Variants in NBL1 observed in about 807,000 individuals in gnomAD.
NBL1 encodes NBL1, DAN family BMP antagonist.
In NBL1, 9 loss-of-function variants were observed where a neutral mutation model predicts 16.0. The observed-to-expected ratio is 0.56, with a 90% CI of 0.34 to 0.98. The LOEUF (loss-of-function observed/expected upper bound fraction) is 0.98. Among genes scored for constraint, NBL1 ranks in the 50% least tolerant of loss-of-function variants. The probability of loss-of-function intolerance (pLI) is 0.02; values close to 1 mark genes in which losing one functional copy is unlikely to be tolerated. For synonymous variants in NBL1, 86 were observed against 100.7 expected (o/e 0.85, Z 0.87); for missense variants, 196 against 243.1 (o/e 0.81, Z 1.29).
Position 19,657,260 on chromosome 1 carries a change from T to G in NBL1, c.*131T>G, listed in dbSNP as rs1441859940. On this transcript the variant is annotated 3_prime_UTR_variant, in exon 4 of 4. Coordinates refer to ENST00000375136, the MANE Select transcript of NBL1 (RefSeq NM_005380.8). ...ACTTGGCTTCAGACTCGGACTTGAATGCTGCCCGGTTGCCATGGAGATCTG... is the reference window on the plus strand; with the variant it reads ...ACTTGGCTTCAGACTCGGACTTGAAGGCTGCCCGGTTGCCATGGAGATCTG... 1.8e-6 allele frequency: 1 copy of G among 559,378 alleles called. No individual in the cohort carries two copies. The highest frequency in any genetic ancestry group is 1.9e-5 in the African/African-American group (1 of 53,492). The allele number at this position is 559,378 out of a possible 1,614,324, so 34.7% of individuals were successfully genotyped here.
intron 3 of NBL1, 60 bp downstream of exon 3, chr1:19,655,495 T>C: frequency 2.5e-6 from 4 of 1,572,234 alleles, no homozygotes; most frequent in Non-Finnish European, 3.5e-6. Context: ...AGCCTTGGCC[T>C]TTCTCCCCAG....
chr1:19,644,974 G>C lies in NBL1; in HGVS notation c.-20+528G>C, dbSNP rs1250745895. Among the ~76,000 whole-genome samples the C allele has an allele frequency of 1.3e-5, 2 of 152,072 alleles. No individual in the cohort carries two copies. The highest frequency in any genetic ancestry group is 2.9e-5 in the Non-Finnish European group (2 of 68,026). On this transcript the variant is annotated intron_variant, in intron 1 of 3. Transcript: ENST00000375136. The surrounding 1 kb of genome is among the most constrained non-coding windows in gnomAD (Gnocchi z 4.6). ...CTCTTTCCGTTCCCCGCCTGCCTCC[G>C]TGTTCGGCTGCCCGCGTTTGTGTCT...
intron 3 of NBL1, among the ~76,000 whole-genome samples, chr1:19,656,085 C>A (rs1473783706): frequency 1.3e-5 from 2 of 152,182 alleles, no homozygotes; most frequent in Non-Finnish European, 2.9e-5. Context: ...TGCAGTCTTC[C>A]ACCTGCATCC....
upstream of NBL1, chr1:19,643,795 G>C: frequency 2.0e-6 from 2 of 1,010,894 alleles, no homozygotes; most frequent in Non-Finnish European, 2.4e-6. The surrounding 1 kb of genome is among the most constrained non-coding windows in gnomAD (Gnocchi z 4.7). Context: ...CGGAGCGGAC[G>C]GGATGAGGTG....
intron 1 of NBL1, among the ~76,000 whole-genome samples, chr1:19,648,951 T>G (rs71645456): frequency 0.12 from 17,889 of 152,146 alleles, 1,112 homozygotes; most frequent in East Asian, 0.18. Flanking sequence ...ATTTGAACTC[T>G]GGTCTGTGGA....
intron 1 of NBL1, among the ~76,000 whole-genome samples, chr1:19,648,432 C>T (rs998901382): frequency 2.0e-5 from 3 of 152,228 alleles, no homozygotes; most frequent in African/African-American, 4.8e-5. Flanking sequence ...CGGGGTCACA[C>T]GAGGAGGGCC....
chr1:19,649,205 T>G (rs1398907347), intron 1 of NBL1, among the ~76,000 whole-genome samples: 1 of 152,040 alleles, frequency 6.6e-6, no homozygotes, highest in South Asian at 2.1e-4. Context: ...CAAGCAGATT[T>G]CTTGGCCTCT....
rs2094964276 is a variant in NBL1, at chr1:19,644,322, G to C, written c.-144G>C. 1 of 978,946 alleles carries C rather than the reference G, an allele frequency of 1.0e-6. No homozygotes were observed. The allele number at this position is 978,946 out of a possible 1,614,324, so 60.6% of individuals were successfully genotyped here. A position where few individuals can be genotyped will look rare whatever the true frequency, so the allele number is the denominator to read the frequency against. The stretch of plus-strand genomic sequence containing the variant: ...GCCCGCCCGGGGCCGCAGACAGCGC[G>C]CAGCGCAGCCCAGCCGAGCGTCGCG... On this transcript the variant is annotated 5_prime_UTR_variant, in exon 1 of 4. Transcript: ENST00000375136. This position sits in a 1 kb window ranked among gnomAD's most constrained non-coding sequence, Gnocchi z 4.6.
Position 19,647,778 on chromosome 1 carries a change from C to T in NBL1, c.-20+3332C>T, listed in dbSNP as rs72961716. On this transcript the variant is annotated intron_variant, in intron 1 of 3. Transcript: ENST00000375136. ...GGAGGGAGAGCCCTGCCCTTTCCAC[C>T]GAGGATTTGTCAGCCCTGCCCTCCA... is the stretch of plus-strand genomic sequence containing the variant. The T allele has an allele frequency of 2.9e-3, 1,856 of 648,256 alleles. 23 individuals carry two copies. In the African/African-American group the frequency reaches 0.034, roughly 12 times the overall value. 40.2% of individuals were successfully genotyped at this position (648,256 alleles called of 1,614,324 possible).
In NBL1 at chr1:19,655,210, A is replaced by T; in HGVS notation, c.170+10A>T. The T allele has an allele frequency of 6.2e-7, 1 of 1,604,856 alleles. No individual in the cohort carries two copies. The highest frequency in any genetic ancestry group is 8.5e-7 in the Non-Finnish European group (1 of 1,175,002). On this transcript the variant is annotated intron_variant, in intron 2 of 3. Coordinates refer to ENST00000375136, the MANE Select transcript of NBL1 (RefSeq NM_005380.8). ...AGTCCATCCAGAACAGGTGGGACCC[A>T]AGGGGTGGGTGGGGGGATGCGGACA...
Position 19,655,377 on chromosome 1 carries a change from C to T in NBL1, c.224C>T (p.Ser75Phe). The T allele has an allele frequency of 6.2e-7, 1 of 1,614,122 alleles. No homozygotes were observed. Among genetic ancestry groups the T allele is most frequent in the Non-Finnish European group, 8.5e-7 (1 of 1,180,010 alleles). The change falls in exon 3 of 4, where the codon TCC becomes TTC. Residue 75 changes from serine (S) to phenylalanine (F), a missense_variant. Coordinates refer to ENST00000375136, the MANE Select transcript of NBL1 (RefSeq NM_005380.8). ...AGCGTCCCCAACACCTTCCCACAGT[C>T]CACAGAGTCCCTGGTTCACTGTGAC... ...SYSVPNTFPQ[S>F]TESLVHCDSC...
intron 3 of NBL1, among the ~76,000 whole-genome samples, chr1:19,656,600 T>TG (rs1338396711): frequency 4.3e-5 from 6 of 138,376 alleles, no homozygotes; most frequent in African/African-American, 1.6e-4. Context: ...ATCGCGGCGG[T>TG]GGGGGCGATT....
chr1:19,655,132 G>T lies in NBL1; in HGVS notation c.102G>T (p.Trp34Cys). ...CACTGTTCCCAGATAAGAGTGCCTG[G>T]TGCGAAGCCAAGAACATCACCCAGA... is the stretch of plus-strand genomic sequence containing the variant. ...KLALFPDKSAWCEAKNITQIV... is the reference protein window; with the variant it reads ...KLALFPDKSACCEAKNITQIV... The change falls in exon 2 of 4, where the codon TGG (tryptophan) becomes TGT (cysteine). Residue 34 changes from tryptophan (W) to cysteine (C), a missense_variant. Transcript: ENST00000375136. 1 of 1,611,936 alleles carries T rather than the reference G, an allele frequency of 6.2e-7. No individual in the cohort carries two copies. The highest frequency in any genetic ancestry group is 2.2e-5 in the East Asian group (1 of 44,806).
chr1:19,654,226 C>A (rs1197358046), intron 1 of NBL1, among the ~76,000 whole-genome samples: 1 of 152,084 alleles, frequency 6.6e-6, no homozygotes, highest in Non-Finnish European at 1.5e-5. Context: ...GCCTGGGCAA[C>A]ACGGCGAAAC....
chr1:19,644,185 G>C, upstream of NBL1: 1 of 980,174 alleles, frequency 1.0e-6, no homozygotes, highest in African/African-American at 1.8e-5. This position sits in a 1 kb window ranked among gnomAD's most constrained non-coding sequence, Gnocchi z 4.6. Context: ...GGAGGGAGAG[G>C]CCGCGCGCGC....
chr1:19,650,348 TCTGA>T (rs971412427), intron 1 of NBL1, among the ~76,000 whole-genome samples: 1 of 152,228 alleles, frequency 6.6e-6, no homozygotes, highest in Non-Finnish European at 1.5e-5. Flanking sequence ...GAGAGCCATC[TCTGA>T]CTGTGCCAAC....
chr1:19,645,781 G>A, intron 1 of NBL1: 1 of 1,411,782 alleles, frequency 7.1e-7, no homozygotes, highest in Non-Finnish European at 9.3e-7. Context: ...TTGGAGGGGT[G>A]GACAGGGGAG....
intron 1 of NBL1, among the ~76,000 whole-genome samples, chr1:19,649,756 G>T (rs190823805): frequency 1.3e-5 from 2 of 152,028 alleles, no homozygotes; most frequent in Non-Finnish European, 2.9e-5. Flanking sequence ...CAACCTCCCA[G>T]GACCGAGTGA....
At chr1:19,643,975 G>C, upstream of NBL1, 1 of 985,562 alleles carries the variant, frequency 1.0e-6, no homozygotes. This position sits in a 1 kb window ranked among gnomAD's most constrained non-coding sequence, Gnocchi z 4.7. Context: ...GGCGGAGAGA[G>C]TGGAAGCGCA....
Sources: allele counts gnomAD v4.1 joint callset (sites outside exome capture counted in the v4.1 genomes callset), GRCh38; gene constraint gnomAD v4.1.1; non-coding constraint Gnocchi (gnomAD v3.1); transcripts MANE v1.5; gene names NCBI Gene and HGNC (gene_info 2026-07-23, HGNC 2026-07-21).